The following UBE2N variants were observed in gnomAD, a reference collection of about 807,000 sequenced individuals.
UBE2N encodes ubiquitin conjugating enzyme E2 N.
For synonymous variants in UBE2N, 70 were observed against 69.2 expected (o/e 1.01, Z -0.06); for missense variants, 60 against 192.1 (o/e 0.31, Z 4.07).
intron 1 of UBE2N, among the ~76,000 whole-genome samples, chr12:93,424,888 T>G (rs2121079477): frequency 6.6e-6 from 1 of 152,360 alleles, no homozygotes; most frequent in Non-Finnish European, 1.5e-5. Context: ...ACAAAATCTA[T>G]GCCTCACTTC....
intron 1 of UBE2N, among the ~76,000 whole-genome samples, chr12:93,441,409 CGGA>C (rs920838004): frequency 6.6e-6 from 1 of 152,112 alleles, no homozygotes; most frequent in African/African-American, 2.4e-5. Flanking sequence ...CCCGTCGGGG[CGGA>C]GAAGAGGGGC....
chr12:93,421,450 G>A (rs1878409019), intron 1 of UBE2N, among the ~76,000 whole-genome samples: 1 of 152,064 alleles, frequency 6.6e-6, no homozygotes, highest in South Asian at 2.1e-4. Context: ...GATCTGCCGG[G>A]CCCGGCCCAT....
At chr12:93,421,208 G>GA (rs1555196969) in intron 1 of UBE2N, among the ~76,000 whole-genome samples, 1 of 70,734 alleles carries the variant, frequency 1.4e-5, no homozygotes, top group Non-Finnish European at 3.1e-5. Flanking sequence ...TTTTTTTTTT[G>GA]GGGGGGCTGG....
At chr12:93,411,367 G>A (rs1878025277) in intron 1 of UBE2N, 68 bp from the exon 2 acceptor site, 3 of 1,531,790 alleles carry the variant, frequency 2.0e-6, no homozygotes, top group Non-Finnish European at 2.6e-6. Context: ...AGTAAAATTA[G>A]AAAGTTCATC....
At chr12:93,415,148 T>C (rs1003574292) in intron 1 of UBE2N, among the ~76,000 whole-genome samples, 1 of 151,360 alleles carries the variant, frequency 6.6e-6, no homozygotes, top group Non-Finnish European at 1.5e-5. Context: ...AAAATGTTCA[T>C]ATTTAAATAA....
At chr12:93,417,889 C>A (rs1390713148) in intron 1 of UBE2N, among the ~76,000 whole-genome samples, 2 of 151,496 alleles carry the variant, frequency 1.3e-5, no homozygotes, top group Non-Finnish European at 3.0e-5. Flanking sequence ...AACAAACGGG[C>A]TCCTTTTTTG....
intron 1 of UBE2N, among the ~76,000 whole-genome samples, chr12:93,426,749 T>C (rs1878599962): frequency 6.6e-6 from 1 of 152,276 alleles, no homozygotes; most frequent in South Asian, 2.1e-4. Flanking sequence ...TCTACACTTT[T>C]GTGATTCTGG....
chr12:93,427,140 G>A (rs745957383), intron 1 of UBE2N, among the ~76,000 whole-genome samples: 9 of 151,754 alleles, frequency 5.9e-5, no homozygotes, highest in Non-Finnish European at 1.2e-4. Flanking sequence ...GGCTGGTCTC[G>A]AGCTCCTGAC....
In UBE2N at chr12:93,409,215, T is replaced by TGGCAAAATCCACCG. The variant is rs1877959494; in HGVS notation, c.*823_*824insCGGTGGATTTTGCC. On this transcript the variant is annotated 3_prime_UTR_variant, in exon 4 of 4. Transcript: ENST00000318066. ...CAAATCTGCATCAGTGAAAAGAAAC[T>TGGCAAAATCCACCG]GGCAAAATCCACCTCTTGCCATTCA... 6.6e-6 allele frequency: 1 copy of TGGCAAAATCCACCG among 152,642 alleles called. No homozygotes were observed. The highest frequency in any genetic ancestry group is 2.4e-5 in the African/African-American group (1 of 41,440). The allele number at this position is 152,642 out of a possible 1,614,324, so 9.5% of individuals were successfully genotyped here.
At position 93,407,681 on chromosome 12, in the gene UBE2N, A is replaced by C. The variant is rs1238016716; in HGVS notation, c.*2358T>G. 2 of 152,188 alleles carry C rather than the reference A, an allele frequency of 1.3e-5. No individual in the cohort carries two copies. Among genetic ancestry groups the C allele is most frequent in the African/African-American group, 2.4e-5 (1 of 41,450 alleles). The allele number at this position is 152,188 out of a possible 1,614,324, so 9.4% of individuals were successfully genotyped here. On this transcript the variant is annotated 3_prime_UTR_variant, in exon 4 of 4. Coordinates refer to ENST00000318066, the MANE Select transcript of UBE2N (RefSeq NM_003348.4). Reference sequence around the variant, plus strand: ...TTCTGGATTTTCATGCAAATCTCCCAATTTTTAAAAATGTTGGCATCAAAT... The same window carrying C: ...TTCTGGATTTTCATGCAAATCTCCCCATTTTTAAAAATGTTGGCATCAAAT...
chr12:93,417,508 G>T lies in UBE2N; in HGVS notation c.31-6209C>A, dbSNP rs573466759. ...GTATTCTTAGAAAAAGTGCTAATTT[G>T]TGTGTGAGAAAAGTTGGTCCAGTTA... On this transcript the variant is annotated intron_variant, in intron 1 of 3. Coordinates refer to ENST00000318066, the MANE Select transcript of UBE2N (RefSeq NM_003348.4). 6.6e-5 allele frequency among the ~76,000 whole-genome samples: 10 copies of T among 152,318 alleles called. No individual in the cohort carries two copies. The South Asian group carries it at 2.1e-3, about 32-fold the overall frequency.
In UBE2N at chr12:93,406,560, T is replaced by G. The variant is rs1158931780; in HGVS notation, c.*3479A>C. Reference sequence around the variant, plus strand: ...AAGGTTCTATATAGTTGGCCCTCCATATCCATGGGTTCCACTTCCGTGGAT... The same window carrying G: ...AAGGTTCTATATAGTTGGCCCTCCAGATCCATGGGTTCCACTTCCGTGGAT... On this transcript the variant is annotated 3_prime_UTR_variant, in exon 4 of 4. Transcript: ENST00000318066. 2 of 152,280 alleles carry G rather than the reference T, an allele frequency of 1.3e-5. No homozygotes were observed. The highest frequency in any genetic ancestry group is 2.9e-5 in the Non-Finnish European group (2 of 68,096). The allele number at this position is 152,280 out of a possible 1,614,324, so 9.4% of individuals were successfully genotyped here. A position where few individuals can be genotyped will look rare whatever the true frequency, so the allele number is the denominator to read the frequency against.
intron 1 of UBE2N, chr12:93,441,335 C>CCCCGCCCGGCCTGA (rs1159090866): frequency 1.3e-5 from 2 of 152,682 alleles, no homozygotes; most frequent in African/African-American, 4.8e-5. Flanking sequence ...GGGCGCAGGG[C>CCCCGCCCGGCCTGA]CCCGCCCGGC....
chr12:93,419,264 C>T (rs960258993), intron 1 of UBE2N, among the ~76,000 whole-genome samples: 1 of 152,136 alleles, frequency 6.6e-6, no homozygotes, highest in African/African-American at 2.4e-5. Flanking sequence ...GTGCTGCATG[C>T]CTGTAATCCC....
chr12:93,438,515 G>A (rs2121103207), intron 1 of UBE2N, among the ~76,000 whole-genome samples: 1 of 152,168 alleles, frequency 6.6e-6, no homozygotes, highest in South Asian at 2.1e-4. Flanking sequence ...CCCAGAGAGA[G>A]AAGTGCAGAT....
chr12:93,413,648 T>C (rs189605626), intron 1 of UBE2N, among the ~76,000 whole-genome samples: 13 of 152,280 alleles, frequency 8.5e-5, no homozygotes, highest in African/African-American at 2.9e-4. Context: ...ACCTTTTCCT[T>C]CATATGCCAC....
At chr12:93,418,864 CCACTGTGCAAATTA>C (rs1298471840) in intron 1 of UBE2N, among the ~76,000 whole-genome samples, 4 of 151,912 alleles carry the variant, frequency 2.6e-5, no homozygotes, top group Non-Finnish European at 5.9e-5. Context: ...CCTTCAATGC[CCACTGTGCAAATTA>C]CACTTGTAGC....
chr12:93,424,898 CAG>C (rs1480956320), intron 1 of UBE2N, among the ~76,000 whole-genome samples: 6 of 152,182 alleles, frequency 3.9e-5, no homozygotes, highest in African/African-American at 7.2e-5. Flanking sequence ...TGCCTCACTT[CAG>C]AGAGTTATAT....
At chr12:93,437,179 A>G (rs980276560) in intron 1 of UBE2N, among the ~76,000 whole-genome samples, 2 of 146,970 alleles carry the variant, frequency 1.4e-5, no homozygotes, top group Non-Finnish European at 1.5e-5. Context: ...GCCCTTTGAG[A>G]AAAAAAAAAG....
Sources: gnomAD v4.1 joint callset for allele counts (sites outside exome capture counted in the v4.1 genomes callset) on GRCh38, gnomAD v4.1.1 for gene constraint, MANE v1.5 for transcripts, NCBI Gene and HGNC (gene_info 2026-07-23, HGNC 2026-07-21) for gene names.